KALRN: variants seen among roughly 807,000 people sequenced by gnomAD.
KALRN encodes the protein kalirin RhoGEF kinase.
In KALRN, 70 loss-of-function variants were observed where a neutral mutation model predicts 353.7. The ratio of observed to expected loss-of-function variants is 0.20; its 90% CI spans 0.16 to 0.24. The LOEUF is 0.24. KALRN is among the 10% of genes least tolerant of loss of function. The pLI, the probability that KALRN is intolerant of heterozygous loss-of-function variation, is 1.00. For missense variants in KALRN, 2,791 were observed against 3,756.7 expected (o/e 0.74, Z 6.72); for synonymous variants, 1,391 against 1,434.8 (o/e 0.97, Z 0.69).
At chr3:124,074,746 A>T (rs968316817) in intron 1 of KALRN, among the ~76,000 whole-genome samples, 1 of 152,226 alleles carries the variant, frequency 6.6e-6, no homozygotes, top group Non-Finnish European at 1.5e-5. Context: ...AGAATGTTAT[A>T]TAAGACAAGT....
chr3:124,362,949 C>T (rs966946060), intron 10 of KALRN, among the ~76,000 whole-genome samples: 8 of 152,098 alleles, frequency 5.3e-5, no homozygotes, highest in South Asian at 2.1e-4. Flanking sequence ...CTGATTCATC[C>T]GCTGTAGCTG....
chr3:124,258,429 A>C (rs1033586772), intron 3 of KALRN, among the ~76,000 whole-genome samples: 10 of 151,738 alleles, frequency 6.6e-5, no homozygotes, highest in African/African-American at 2.4e-4. Context: ...CTCCTCCCTT[A>C]TTTCTTTGAC....
At chr3:124,681,837 C>G (rs925309756) in intron 51 of KALRN, among the ~76,000 whole-genome samples, 1 of 151,878 alleles carries the variant, frequency 6.6e-6, no homozygotes, top group Non-Finnish European at 1.5e-5. Flanking sequence ...ACCACATGGC[C>G]GAGGCTTGTA....
In KALRN at chr3:124,268,975, A is replaced by C; in HGVS notation, c.689A>C (p.Asp230Ala). The stretch of plus-strand genomic sequence containing the variant: ...GTGGAGGGCTCTCGGCGGCTCATTG[A>C]CGAACACACACAGCTCAAGAAAAAG... ...VDVEGSRRLIDEHTQLKKKVL... is the reference protein window; with the variant it reads ...VDVEGSRRLIAEHTQLKKKVL... The change falls in exon 5 of 60, where the codon GAC becomes GCC. Residue 230 changes from aspartate (D) to alanine (A), a missense_variant. By Grantham distance (126) the Asp-to-Ala change is moderately radical. This residue lies in a region of KALRN where 366 missense variants were observed against 489.2 expected (regional missense o/e 0.75). Coordinates refer to ENST00000682506, the MANE Select transcript of KALRN (RefSeq NM_001388419.1). 3.7e-6 allele frequency: 6 copies of C among 1,614,098 alleles called. No homozygotes were observed. In the South Asian group the frequency reaches 4.4e-5, roughly 12 times the overall value.
intron 1 of KALRN, among the ~76,000 whole-genome samples, chr3:124,066,605 G>T (rs1437974120): frequency 6.6e-6 from 1 of 152,164 alleles, no homozygotes; most frequent in Non-Finnish European, 1.5e-5. Flanking sequence ...GACATAGAAA[G>T]CTCATGGCCA....
In KALRN at chr3:124,316,404, C is replaced by T. The variant is rs189429463; in HGVS notation, c.1093-9576C>T. Among the ~76,000 whole-genome samples the T allele has an allele frequency of 3.3e-4, 50 of 152,312 alleles. No individual in the cohort carries two copies. The East Asian group carries it at 5.6e-3, about 17-fold the overall frequency. ...GTCTTCCTTTCCTCATAATGAAAGC[C>T]GAAGTCCCTTACCATGGCTTACTGG... On this transcript the variant is annotated intron_variant, in intron 6 of 59. Coordinates refer to ENST00000682506, the MANE Select transcript of KALRN (RefSeq NM_001388419.1).
chr3:124,635,415 A>T (rs2081255371), intron 36 of KALRN, among the ~76,000 whole-genome samples: 1 of 152,174 alleles, frequency 6.6e-6, no homozygotes, highest in East Asian at 1.9e-4. Context: ...GTTTCTGGAT[A>T]ATTTTTAACC....
At chr3:124,069,336 AGGAGGAGGAGGAGGAGGAGGAGGAGGAGG>A (rs2042648691) in intron 1 of KALRN, among the ~76,000 whole-genome samples, 1 of 123,830 alleles carries the variant, frequency 8.1e-6, no homozygotes, top group African/African-American at 4.2e-5. Flanking sequence ...GAGGAGGAGG[AGGAGGAGGAGGAGGAGGAGGAGGAGGAGG>A]AGGAGGAAAT....
intron 3 of KALRN, among the ~76,000 whole-genome samples, chr3:124,253,441 C>T (rs2071455011): frequency 6.6e-6 from 1 of 152,180 alleles, no homozygotes; most frequent in African/African-American, 2.4e-5. Flanking sequence ...TGGTTTCTGT[C>T]TGCCTATGGT....
intron 34 of KALRN, among the ~76,000 whole-genome samples, chr3:124,624,135 G>C (rs1325618392): frequency 6.6e-6 from 1 of 152,202 alleles, no homozygotes; most frequent in Non-Finnish European, 1.5e-5. Flanking sequence ...GTCCTGCCCA[G>C]GATGTGAATC....
chr3:124,462,571 G>T lies in KALRN; in HGVS notation c.3969G>T (p.Gly1323=), dbSNP rs768479591. ...MTSGVEEIPP[G]ILNKEHIIFG... ...GTGGTGTGGAGGAGATCCCCCCTGG[G>T]ATCCTCAATAAAGAGCATATCATCT... Residue 1323 remains glycine, a synonymous_variant, in exon 25 of 60, where the codon GGG becomes GGT. Coordinates refer to ENST00000682506, the MANE Select transcript of KALRN (RefSeq NM_001388419.1). 1 of 1,613,008 alleles carries T rather than the reference G, an allele frequency of 6.2e-7. No homozygotes were observed. Among genetic ancestry groups the T allele is most frequent in the Non-Finnish European group, 8.5e-7 (1 of 1,179,022 alleles).
chr3:124,584,589 CT>C (rs1387470518), intron 34 of KALRN: 3 of 1,378,964 alleles, frequency 2.2e-6, no homozygotes, highest in Non-Finnish European at 2.8e-6. Context: ...CTGCCCACAG[CT>C]GGACCTTGGA....
intron 1 of KALRN, among the ~76,000 whole-genome samples, chr3:124,224,497 T>A (rs1400054735): frequency 2.6e-5 from 4 of 152,212 alleles, no homozygotes; most frequent in Non-Finnish European, 5.9e-5. Flanking sequence ...GTTGCACAAG[T>A]GTGATCTAGA....
rs778280357 is a variant in KALRN at position 124,637,218 on chromosome 3, T to G, written c.5579T>G (p.Leu1860Trp). ...CCCGATGTCTTGCAGTCCTCCTCTT[T>G]GCTAGCAGCCCGGCAGGCTTCCACT... ...DPTQDEMSSS[L>W]LAARQASTEV... The change falls in exon 37 of 60, where the codon TTG (leucine) becomes TGG (tryptophan). Residue 1860 changes from leucine to tryptophan, a missense_variant. This residue lies in a region of KALRN where 1,065 missense variants were observed against 1,156.4 expected (regional missense o/e 0.92). Transcript: ENST00000682506. 2 of 1,614,104 alleles carry G rather than the reference T, an allele frequency of 1.2e-6. No individual in the cohort carries two copies. The highest frequency in any genetic ancestry group is 3.3e-5 in the Admixed American group (2 of 60,026).
rs535985709 is a variant in KALRN at position 124,089,153 on chromosome 3, G to A, written c.73+55340G>A. On this transcript the variant is annotated intron_variant, in intron 1 of 59. Coordinates refer to ENST00000682506, the MANE Select transcript of KALRN (RefSeq NM_001388419.1). ...TTAGCATTTATTTGACAATACAGGG[G>A]TTTCCTTTTGATATGGTTGAACTTC... 5.3e-5 allele frequency among the ~76,000 whole-genome samples: 8 copies of A among 152,296 alleles called. No homozygotes were observed. The South Asian group carries it at 1.5e-3, about 28-fold the overall frequency.
intron 1 of KALRN, among the ~76,000 whole-genome samples, chr3:124,195,595 G>T (rs549907987): frequency 2.7e-4 from 41 of 152,258 alleles, no homozygotes; most frequent in African/African-American, 9.9e-4. Flanking sequence ...AAAAGGGGAA[G>T]GTCTTGAAAT....
At chr3:124,286,771 A>G (rs1279898825) in intron 5 of KALRN, among the ~76,000 whole-genome samples, 1 of 152,082 alleles carries the variant, frequency 6.6e-6, no homozygotes, top group African/African-American at 2.4e-5. Context: ...TAAGATGTCA[A>G]TCATAGTTAT....
At chr3:124,280,272 AC>A (rs1309097634) in intron 5 of KALRN, among the ~76,000 whole-genome samples, 1 of 152,068 alleles carries the variant, frequency 6.6e-6, no homozygotes, top group African/African-American at 2.4e-5. Flanking sequence ...AGCCTGTTCC[AC>A]TGTTCTGTAG....
intron 34 of KALRN, among the ~76,000 whole-genome samples, chr3:124,567,921 GC>G (rs1178639754): frequency 6.6e-6 from 1 of 152,136 alleles, no homozygotes. Flanking sequence ...GCTATAGTGA[GC>G]TGTGTTCACG....
Sources: allele counts gnomAD v4.1 joint callset (sites outside exome capture counted in the v4.1 genomes callset), GRCh38; gene constraint gnomAD v4.1.1; regional missense constraint gnomAD v4.1.1; transcripts MANE v1.5; gene names NCBI Gene and HGNC (gene_info 2026-07-23, HGNC 2026-07-21).